KIAA1614: variants seen among roughly 807,000 people sequenced by gnomAD.
KIAA1614 encodes the protein KIAA1614.
Under a neutral mutation model 88.7 loss-of-function variants are expected in KIAA1614, and 76 were observed. The observed-to-expected ratio is 0.86, with a 90% CI of 0.71 to 1.04. The LOEUF (loss-of-function observed/expected upper bound fraction) is 1.04. Ranked by LOEUF, KIAA1614 falls within the 50% of genes least tolerant of loss-of-function variation. The pLI is 0.00. For synonymous variants in KIAA1614, 714 were observed against 675.5 expected (o/e 1.06, Z -0.88); for missense variants, 1,553 against 1,582.5 (o/e 0.98, Z 0.32).
rs1235018012 is a variant in KIAA1614 at position 180,935,486 on chromosome 1, C to T, written c.1577C>T (p.Ala526Val). The T allele has an allele frequency of 2.0e-6, 3 of 1,486,220 alleles. No homozygotes were observed. The highest frequency in any genetic ancestry group is 2.7e-6 in the Non-Finnish European group (3 of 1,123,668). The allele number at this position is 1,486,220 out of a possible 1,614,324, so 92.1% of individuals were successfully genotyped here. The change falls in exon 5 of 9, where the codon GCA (alanine) becomes GTA (valine). Residue 526 changes from alanine (A) to valine (V), a missense_variant. Ala to Val is a moderately conservative substitution (Grantham distance 64, BLOSUM62 0). Transcript: ENST00000367588. The surrounding 1 kb of genome is among the most constrained non-coding windows in gnomAD (Gnocchi z 6.1). ...VGSLDRRGHP[A>V]PPAPGSERRC... ...AGCCTGGACCGCAGGGGACACCCGG[C>T]ACCGCCGGCACCGGGCAGCGAGAGG...
Position 180,916,313 on chromosome 1 carries a change from C to A in KIAA1614, c.210C>A (p.Pro70=). The A allele has an allele frequency of 6.2e-7, 1 of 1,614,022 alleles. No homozygotes were observed. Among genetic ancestry groups the A allele is most frequent in the Non-Finnish European group, 8.5e-7 (1 of 1,179,978 alleles). The change falls in exon 2 of 9, where the codon CCC becomes CCA. Residue 70 remains proline, a synonymous_variant. Coordinates refer to ENST00000367588, the MANE Select transcript of KIAA1614 (RefSeq NM_020950.2). The stretch of plus-strand genomic sequence containing the variant: ...CCAGCCTGATGGCCCCCCAGCCTCC[C>A]AGGGTATGGGGAGTACAGCTCCAGG... ...RTSSLMAPQP[P]RVWGVQLQGP... is the part of the protein sequence containing the mutation.
chr1:180,914,009 G>T (rs1272702046), intron 1 of KIAA1614: 1 of 152,164 alleles, frequency 6.6e-6, no homozygotes, highest in Admixed American at 6.6e-5. Flanking sequence ...GAAAGCTTGT[G>T]TATAAATTGA....
rs201999726 is a variant in KIAA1614 at position 180,943,548 on chromosome 1, A to ATTTT, written c.3160-840_3160-839insTTTT. 5.3e-4 allele frequency among the ~76,000 whole-genome samples: 40 copies of ATTTT among 74,888 alleles called. 8 individuals are homozygous for ATTTT. The highest frequency in any genetic ancestry group is 1.5e-3 in the African/African-American group (26 of 17,738). The allele number at this position is 74,888 out of a possible 152,430, so 49.1% of individuals were successfully genotyped here. ...GGATTGTAGGATTGAATGGTAGTAG[A>ATTTT]TCTTTTTTTTTTTTTTTTGAGACAG... On this transcript the variant is annotated intron_variant, in intron 7 of 8. Transcript: ENST00000367588.
At chr1:180,938,811 C>T in intron 6 of KIAA1614, 100 bp downstream of exon 6, 1 of 1,088,592 alleles carries the variant, frequency 9.2e-7, no homozygotes, top group East Asian at 2.5e-5. Context: ...ACCCACCTCC[C>T]TGCCCCTAGT....
At chr1:180,938,766 G>A in intron 6 of KIAA1614, 55 bp downstream of exon 6, 1 of 1,572,708 alleles carries the variant, frequency 6.4e-7, no homozygotes, top group Non-Finnish European at 8.7e-7. Context: ...TGGGGGCTCT[G>A]GGAGGGGACA....
At position 180,916,433 on chromosome 1, in the gene KIAA1614, G is replaced by A. The variant is rs760226659; in HGVS notation, c.330G>A (p.Trp110Ter). 6.2e-7 allele frequency: 1 copy of A among 1,614,206 alleles called. No individual in the cohort carries two copies. Among genetic ancestry groups the A allele is most frequent in the East Asian group, 2.2e-5 (1 of 44,888 alleles). ...GTCCCTGCTCTGCTTCCCAAGAGTG[G>A]TCATCCCCCAAGAAACCCCAATGCA... ...GVSPCSASQE[W>*]SSPKKPQCRR... Residue 110 changes from tryptophan to a stop codon, truncating the protein, a stop_gained, in exon 2 of 9, where the codon TGG becomes TGA. Coordinates refer to ENST00000367588, the MANE Select transcript of KIAA1614 (RefSeq NM_020950.2). LOFTEE classifies it high-confidence loss of function.
At chr1:180,922,466 C>G (rs866621517) in intron 3 of KIAA1614, among the ~76,000 whole-genome samples, 2 of 152,148 alleles carry the variant, frequency 1.3e-5, no homozygotes, top group Admixed American at 6.5e-5. Context: ...TCTTCAGGCC[C>G]CTGCTGGGAT....
At position 180,935,715 on chromosome 1, in the gene KIAA1614, C is replaced by G. The variant is rs752934576; in HGVS notation, c.1806C>G (p.Thr602=). The G allele has an allele frequency of 6.2e-7, 1 of 1,613,760 alleles. No homozygotes were observed. The highest frequency in any genetic ancestry group is 2.2e-5 in the East Asian group (1 of 44,868). Residue 602 remains threonine (T), a synonymous_variant, in exon 5 of 9, where the codon ACC becomes ACG. Coordinates refer to ENST00000367588, the MANE Select transcript of KIAA1614 (RefSeq NM_020950.2). The surrounding 1 kb of genome is among the most constrained non-coding windows in gnomAD (Gnocchi z 6.1). ...EWIRETHIGD[T]VCPAEVDSAL... ...TCCGGGAAACACACATCGGAGACAC[C>G]GTGTGCCCTGCGGAGGTGGACTCTG...
chr1:180,939,481 G>A (rs1654408367), intron 6 of KIAA1614, among the ~76,000 whole-genome samples: 1 of 152,090 alleles, frequency 6.6e-6, no homozygotes, highest in African/African-American at 2.4e-5. Flanking sequence ...CAGGAGTCCT[G>A]GGCTGCTTCC....
At chr1:180,937,473 G>A (rs974056886) in intron 5 of KIAA1614, among the ~76,000 whole-genome samples, 1 of 152,198 alleles carries the variant, frequency 6.6e-6, no homozygotes, top group South Asian at 2.1e-4. Flanking sequence ...AGAATCCTGG[G>A]GGTTGGCAGG....
chr1:180,926,001 G>T (rs527458131), intron 3 of KIAA1614, among the ~76,000 whole-genome samples: 1 of 152,206 alleles, frequency 6.6e-6, no homozygotes, highest in Admixed American at 6.5e-5. Flanking sequence ...TGGGGAAACT[G>T]AGGCCCAGGG....
intron 7 of KIAA1614, among the ~76,000 whole-genome samples, chr1:180,942,593 C>T (rs1321305162): frequency 1.3e-5 from 2 of 152,214 alleles, no homozygotes; most frequent in Non-Finnish European, 2.9e-5. Flanking sequence ...GCAGAGAAAC[C>T]GCCGCAGATA....
rs765082260 is a variant in KIAA1614, at chr1:180,935,779, G to A, written c.1870G>A (p.Asp624Asn). The change falls in exon 5 of 9, where the codon GAC (aspartate) becomes AAC (asparagine). Residue 624 changes from aspartate to asparagine, a missense_variant. Physicochemically the swap from Asp to Asn is conservative, Grantham distance 23. Transcript: ENST00000367588. This position sits in a 1 kb window ranked among gnomAD's most constrained non-coding sequence, Gnocchi z 6.1. ...AGACAACTCTGACAACTGCAGGACC[G>A]ACAGTGAGGAGGCGGGGACCTCTCA... ...STDNSDNCRT[D>N]SEEAGTSQAG... The A allele has an allele frequency of 1.2e-6, 2 of 1,613,878 alleles. No individual in the cohort carries two copies. Among genetic ancestry groups the A allele is most frequent in the Non-Finnish European group, 1.7e-6 (2 of 1,179,948 alleles).
chr1:180,943,968 T>C (rs570065851), intron 7 of KIAA1614: 1 of 161,090 alleles, frequency 6.2e-6, no homozygotes, highest in East Asian at 1.8e-4. Flanking sequence ...TGTTTGAAGG[T>C]GCAATATTCA....
Position 180,946,364 on chromosome 1 carries a change from G to C in KIAA1614, c.*776G>C, listed in dbSNP as rs1654597134. 6.6e-6 allele frequency: 1 copy of C among 152,248 alleles called. No individual in the cohort carries two copies. 9.4% of individuals were successfully genotyped at this position (152,248 alleles called of 1,614,324 possible). A position where few individuals can be genotyped will look rare whatever the true frequency, so the allele number is the denominator to read the frequency against. ...ATCCTGGCTGCAGGCCTCTGACTGGGGTGTGCTCTGGGTCTCAATTCAACC... is the reference window on the plus strand; with the variant it reads ...ATCCTGGCTGCAGGCCTCTGACTGGCGTGTGCTCTGGGTCTCAATTCAACC... On this transcript the variant is annotated 3_prime_UTR_variant, in exon 9 of 9. Transcript: ENST00000367588.
Position 180,935,775 on chromosome 1 carries a change from G to C in KIAA1614, c.1866G>C (p.Arg622Ser). The C allele has an allele frequency of 6.2e-7, 1 of 1,613,888 alleles. No homozygotes were observed. The highest frequency in any genetic ancestry group is 2.2e-5 in the East Asian group (1 of 44,860). ...GCACAGACAACTCTGACAACTGCAG[G>C]ACCGACAGTGAGGAGGCGGGGACCT... ...LDSTDNSDNC[R>S]TDSEEAGTSQ... Residue 622 changes from arginine to serine, a missense_variant, in exon 5 of 9, where the codon AGG (arginine) becomes AGC (serine). By Grantham distance (110) the Arg-to-Ser change is moderately radical. Coordinates refer to ENST00000367588, the MANE Select transcript of KIAA1614 (RefSeq NM_020950.2). The surrounding 1 kb of genome is among the most constrained non-coding windows in gnomAD (Gnocchi z 6.1).
chr1:180,921,132 G>A (rs2102258430), intron 3 of KIAA1614, among the ~76,000 whole-genome samples: 1 of 152,224 alleles, frequency 6.6e-6, no homozygotes, highest in East Asian at 1.9e-4. Context: ...GTCAGTGAAG[G>A]GAGATAGGGG....
intron 6 of KIAA1614, among the ~76,000 whole-genome samples, chr1:180,939,596 C>T (rs1654410643): frequency 6.6e-6 from 1 of 152,210 alleles, no homozygotes; most frequent in Non-Finnish European, 1.5e-5. Flanking sequence ...CTTTGCTATA[C>T]AATTCTAGTC....
chr1:180,943,034 T>TTTTTTTTTGTTTG (rs71121059), intron 7 of KIAA1614, among the ~76,000 whole-genome samples: 40,867 of 138,364 alleles, frequency 0.3, 7,219 homozygotes, highest in South Asian at 0.4. Flanking sequence ...TTGGGTTTTT[T>TTTTTTTTTGTTTG]TTTTTTTTTT....
Sources: allele counts gnomAD v4.1 joint callset (sites outside exome capture counted in the v4.1 genomes callset), GRCh38; gene constraint gnomAD v4.1.1; non-coding constraint Gnocchi (gnomAD v3.1); transcripts MANE v1.5; gene names NCBI Gene and HGNC (gene_info 2026-07-23, HGNC 2026-07-21).